Variants in ALKBH5 observed in about 807,000 individuals in gnomAD.
The protein encoded by ALKBH5 is alkB homolog 5, RNA demethylase.
A neutral mutation model predicts 32.1 loss-of-function variants in ALKBH5; 2 were observed. The ratio of observed to expected loss-of-function variants is 0.06; its 90% confidence interval spans 0.03 to 0.20. The LOEUF (loss-of-function observed/expected upper bound fraction) is 0.20. Ranked by LOEUF, ALKBH5 falls within the 10% of genes least tolerant of loss-of-function variation. The probability of loss-of-function intolerance (pLI) is 1.00; values close to 1 mark genes in which losing one functional copy is unlikely to be tolerated. For missense variants in ALKBH5, 352 were observed against 559.5 expected, an observed-to-expected ratio of 0.63 and a Z score of 3.74; for synonymous variants, 300 against 231.7, an observed-to-expected ratio of 1.29 and a Z score of -2.68.
intron 2 of ALKBH5, among the ~76,000 whole-genome samples, chr17:18,202,903 G>A (rs1247132050): frequency 6.6e-6 from 1 of 151,936 alleles, no homozygotes; most frequent in African/African-American, 2.4e-5. Context: ...GTGAAACCCT[G>A]TCCCTACTAA....
chr17:18,204,206 CT>C (rs1172352661), intron 2 of ALKBH5, among the ~76,000 whole-genome samples: 2 of 150,106 alleles, frequency 1.3e-5, no homozygotes, highest in Non-Finnish European at 3.0e-5. Flanking sequence ...AATTTCAGCA[CT>C]TTGGGAAGCC....
In ALKBH5 at chr17:18,183,870, C is replaced by T. The variant is rs1432656886; in HGVS notation, c.-374C>T. The T allele has an allele frequency of 2.8e-6, 1 of 363,112 alleles. No individual in the cohort carries two copies. The highest frequency in any genetic ancestry group is 1.1e-4 in the East Asian group (1 of 9,176). 22.5% of individuals were successfully genotyped at this position (363,112 alleles called of 1,614,324 possible). A position where few individuals can be genotyped will look rare whatever the true frequency, so the allele number is the denominator to read the frequency against. ...GCGGCGCTGGCGGACGTCGGGCTGG[C>T]TGCCCGTGACGTCGTGCGGAGAGCT... On this transcript the variant is annotated 5_prime_UTR_variant, in exon 1 of 4. Coordinates refer to ENST00000399138, the MANE Select transcript of ALKBH5 (RefSeq NM_017758.4).
In ALKBH5 at chr17:18,200,112, A is replaced by ATTT. The variant is rs11393364; in HGVS notation, c.851+5089_851+5091dup. On this transcript the variant is annotated intron_variant, in intron 2 of 3. Transcript: ENST00000399138. The stretch of plus-strand genomic sequence containing the variant: ...ACTCCATCTCAAAAAAAAAAAAAAA[A>ATTT]TTTTTTTTTTTTTTAAATTACATCC... Among the ~76,000 whole-genome samples, 891 of 135,546 alleles carry ATTT rather than the reference A, an allele frequency of 6.6e-3. 5 individuals are homozygous for ATTT. The highest frequency in any genetic ancestry group is 7.9e-3 in the Middle Eastern group (2 of 252). 88.9% of individuals were successfully genotyped at this position (135,546 alleles called of 152,430 possible). A position where few individuals can be genotyped will look rare whatever the true frequency, so the allele number is the denominator to read the frequency against.
intron 3 of ALKBH5, among the ~76,000 whole-genome samples, chr17:18,207,381 T>C (rs1378094333): frequency 6.6e-6 from 1 of 152,174 alleles, no homozygotes; most frequent in Non-Finnish European, 1.5e-5. Flanking sequence ...AAAAATGTTT[T>C]GGCCGGCACA....
intron 1 of ALKBH5, among the ~76,000 whole-genome samples, chr17:18,185,845 T>A (rs1188122569): frequency 6.6e-6 from 1 of 152,230 alleles, no homozygotes; most frequent in African/African-American, 2.4e-5. Flanking sequence ...AGTGAAAATT[T>A]ATTTGGAAGC....
At chr17:18,207,266 G>A (rs1281958131) in intron 3 of ALKBH5, among the ~76,000 whole-genome samples, 2 of 152,220 alleles carry the variant, frequency 1.3e-5, no homozygotes, top group Non-Finnish European at 1.5e-5. Context: ...ATTATACTTA[G>A]ATGTCAGGAG....
At chr17:18,204,337 G>A (rs2142488981) in intron 2 of ALKBH5, among the ~76,000 whole-genome samples, 1 of 152,190 alleles carries the variant, frequency 6.6e-6, no homozygotes, top group African/African-American at 2.4e-5. Flanking sequence ...TGTAATCCTA[G>A]CAATTCGGGA....
At chr17:18,186,829 G>C (rs1163731705) in intron 1 of ALKBH5, among the ~76,000 whole-genome samples, 1 of 152,182 alleles carries the variant, frequency 6.6e-6, no homozygotes, top group Non-Finnish European at 1.5e-5. Flanking sequence ...TTTGAATCCA[G>C]CTTTTCTCTC....
chr17:18,204,414 G>A (rs1233353281), intron 2 of ALKBH5, among the ~76,000 whole-genome samples: 6 of 150,526 alleles, frequency 4.0e-5, no homozygotes, highest in Non-Finnish European at 4.4e-5. Flanking sequence ...TCGTGCCAGT[G>A]CACTCCACCC....
intron 1 of ALKBH5, among the ~76,000 whole-genome samples, chr17:18,190,010 T>G (rs1237582057): frequency 6.6e-6 from 1 of 152,222 alleles, no homozygotes; most frequent in Non-Finnish European, 1.5e-5. Flanking sequence ...GTGGCTGGTC[T>G]GCTGCCCCCA....
At chr17:18,192,510 T>A (rs1307610320) in intron 1 of ALKBH5, among the ~76,000 whole-genome samples, 1 of 152,208 alleles carries the variant, frequency 6.6e-6, no homozygotes, top group African/African-American at 2.4e-5. Flanking sequence ...CATAACAAAA[T>A]GAATACCCAA....
chr17:18,201,793 TA>T (rs1213045762), intron 2 of ALKBH5, among the ~76,000 whole-genome samples: 1,426 of 73,776 alleles, frequency 0.019, 14 homozygotes, highest in Middle Eastern at 0.069. Context: ...ATAGGATAGA[TA>T]AGATAGATAG....
chr17:18,192,844 C>G (rs951410141), intron 1 of ALKBH5, among the ~76,000 whole-genome samples: 3 of 146,374 alleles, frequency 2.0e-5, no homozygotes, highest in Non-Finnish European at 3.0e-5. Context: ...CATTCGTCCA[C>G]TGTCTTTTTC....
At chr17:18,187,552 T>C (rs957963367) in intron 1 of ALKBH5, among the ~76,000 whole-genome samples, 2 of 152,190 alleles carry the variant, frequency 1.3e-5, no homozygotes, top group African/African-American at 4.8e-5. Flanking sequence ...GTCCAGACAC[T>C]GCCAAATGCC....
At chr17:18,191,965 T>C (rs1268800341) in intron 1 of ALKBH5, among the ~76,000 whole-genome samples, 1 of 115,020 alleles carries the variant, frequency 8.7e-6, no homozygotes, top group African/African-American at 3.5e-5. Flanking sequence ...AAAAAAAAAG[T>C]GCCTTTGAGA....
chr17:18,190,637 T>C (rs2047168893), intron 1 of ALKBH5, among the ~76,000 whole-genome samples: 1 of 152,200 alleles, frequency 6.6e-6, no homozygotes, highest in African/African-American at 2.4e-5. Context: ...ATCTTTGTTT[T>C]GCAGAGGCAG....
At position 18,184,825 on chromosome 17, in the gene ALKBH5, C is replaced by T; in HGVS notation, c.582C>T (p.Asp194=). Residue 194 remains aspartate (D), a synonymous_variant, in exon 1 of 4, where the codon GAC becomes GAT. Coordinates refer to ENST00000399138, the MANE Select transcript of ALKBH5 (RefSeq NM_017758.4). ...EGFVNSAVIN[D]YQPGGCIVSH... ...TCGTCAACAGCGCCGTCATCAACGA[C>T]TACCAGCCCGGCGGCTGCATCGTGT... 1 of 1,614,184 alleles carries T rather than the reference C, an allele frequency of 6.2e-7. No homozygotes were observed. The highest frequency in any genetic ancestry group is 8.5e-7 in the Non-Finnish European group (1 of 1,180,026).
intron 1 of ALKBH5, among the ~76,000 whole-genome samples, chr17:18,188,429 A>G (rs2047152978): frequency 6.6e-6 from 1 of 152,234 alleles, no homozygotes; most frequent in South Asian, 2.1e-4. Flanking sequence ...AACGGTTGGT[A>G]TTGGGTGGAG....
In ALKBH5 at chr17:18,189,078, TAAAA is replaced by T. The variant is rs201234613; in HGVS notation, c.770+4073_770+4076del. Among the ~76,000 whole-genome samples, 13 of 136,386 alleles carry T rather than the reference TAAAA, an allele frequency of 9.5e-5. 1 individual carries two copies. Among genetic ancestry groups the T allele is most frequent in the Admixed American group, 2.2e-4 (3 of 13,544 alleles). The allele number at this position is 136,386 out of a possible 152,430, so 89.5% of individuals were successfully genotyped here. Reference sequence around the variant, plus strand: ...TGAGACTCCGTCTCAAAAAAAATAATAAAAAAAAAAATTTCAAGGCCGGGCGCGG... The same window carrying T: ...TGAGACTCCGTCTCAAAAAAAATAATAAAAAAATTTCAAGGCCGGGCGCGG... On this transcript the variant is annotated intron_variant, in intron 1 of 3. Transcript: ENST00000399138.
Sources: allele counts gnomAD v4.1 joint callset (sites outside exome capture counted in the v4.1 genomes callset), GRCh38; gene constraint gnomAD v4.1.1; transcripts MANE v1.5; gene names NCBI Gene and HGNC (gene_info 2026-07-23, HGNC 2026-07-21).